Variants in NECTIN1 observed in about 807,000 individuals in gnomAD.
NECTIN1 encodes nectin-1.
In NECTIN1, 23 loss-of-function variants were observed where a neutral mutation model predicts 48.0. The observed-to-expected ratio is 0.48, with a 90% CI of 0.34 to 0.68. The LOEUF (loss-of-function observed/expected upper bound fraction) is 0.68. Ranked by LOEUF, NECTIN1 falls within the 30% of genes least tolerant of loss-of-function variation. NECTIN1 has a pLI of 0.01. For missense variants in NECTIN1, 591 were observed against 709.9 expected, an observed-to-expected ratio of 0.83 and a Z score of 1.90; for synonymous variants, 270 against 288.9, an observed-to-expected ratio of 0.93 and a Z score of 0.66.
At chr11:119,657,261 G>A (rs1591443509), downstream of NECTIN1, among the ~76,000 whole-genome samples, 1 of 152,196 alleles carries the variant, frequency 6.6e-6, no homozygotes, top group East Asian at 1.9e-4. Context: ...ACTGACACCT[G>A]GGGCGGCCTC....
chr11:119,728,359 G>A, intron 1 of NECTIN1, 116 bp downstream of exon 1: 1 of 1,026,016 alleles, frequency 9.7e-7, no homozygotes, highest in Non-Finnish European at 1.4e-6. Context: ...CCCAAGCCGT[G>A]ACCCAACTTT....
downstream of NECTIN1, chr11:119,659,002 C>G (rs920127388): frequency 6.6e-6 from 1 of 152,160 alleles, no homozygotes; most frequent in Non-Finnish European, 1.5e-5. Context: ...CAAGGCTGCC[C>G]GAAATACTCT....
chr11:119,714,672 A>G (rs1251900647), intron 1 of NECTIN1, among the ~76,000 whole-genome samples: 1 of 152,052 alleles, frequency 6.6e-6, no homozygotes, highest in Non-Finnish European at 1.5e-5. Context: ...CCCCATCGCC[A>G]ACTTAATTCC....
Position 119,639,667 on chromosome 11 carries a change from C to T in NECTIN1, c.1151+198G>A, listed in dbSNP as rs537704053. 299 of 649,854 alleles carry T rather than the reference C, an allele frequency of 4.6e-4. No individual in the cohort carries two copies. The African/African-American group carries it at 4.8e-3, about 10-fold the overall frequency. 40.3% of individuals were successfully genotyped at this position (649,854 alleles called of 1,614,324 possible). On this transcript the variant is annotated intron_variant, in intron 6 of 7. Coordinates refer to the NECTIN1 transcript ENST00000341398. ...TTTATGAAGCCCTTTTGAACTGGGG[C>T]GGTGCCTGGCACGTAGCAATCACCA... is the stretch of plus-strand genomic sequence containing the variant.
rs116728246 is a variant in NECTIN1 at position 119,698,246 on chromosome 11, G to A, written c.80-19481C>T. On this transcript the variant is annotated intron_variant, in intron 1 of 5. Transcript: ENST00000264025. ...AGGTCATACCCCACCAGAGTTGGGG[G>A]CCTGAGCCTCTAGACTTTCCCAGCT... Among the ~76,000 whole-genome samples the A allele has an allele frequency of 6.4e-3, 976 of 152,340 alleles. 12 individuals carry two copies. The highest frequency in any genetic ancestry group is 0.022 in the African/African-American group (914 of 41,576).
At position 119,728,622 on chromosome 11, in the gene NECTIN1, A is replaced by G. The variant is rs1159085965; in HGVS notation, c.-69T>C. On this transcript the variant is annotated 5_prime_UTR_variant, in exon 1 of 6. Coordinates refer to ENST00000264025, the MANE Select transcript of NECTIN1 (RefSeq NM_002855.5). ...CCTCGCGCAGCAGAAACCAGCCCGGAAGATGAGGGAAGATCGCTGGCGGTC... is the reference window on the plus strand; with the variant it reads ...CCTCGCGCAGCAGAAACCAGCCCGGGAGATGAGGGAAGATCGCTGGCGGTC... The G allele has an allele frequency of 1.2e-6, 1 of 838,294 alleles. No homozygotes were observed. Among genetic ancestry groups the G allele is most frequent in the African/African-American group, 1.8e-5 (1 of 55,278 alleles). 51.9% of individuals were successfully genotyped at this position (838,294 alleles called of 1,614,324 possible).
At chr11:119,711,827 C>T (rs1865653130) in intron 1 of NECTIN1, among the ~76,000 whole-genome samples, 1 of 152,212 alleles carries the variant, frequency 6.6e-6, no homozygotes, top group South Asian at 2.1e-4. Context: ...AAGGCCTAGA[C>T]CAGTGTTTTC....
At chr11:119,659,423 G>A (rs1565380570), downstream of NECTIN1, 1 of 152,286 alleles carries the variant, frequency 6.6e-6, no homozygotes, top group Admixed American at 6.5e-5. Context: ...CACATCCCAG[G>A]GGGGAACTTA....
At chr11:119,674,663 A>G in intron 5 of NECTIN1, 1 of 1,614,242 alleles carries the variant, frequency 6.2e-7, no homozygotes. Context: ...GGGAAAGCTC[A>G]GTTGCAGGGC....
At chr11:119,655,644 A>G (rs1221443510) in intron 5 of NECTIN1, among the ~76,000 whole-genome samples, 2 of 152,234 alleles carry the variant, frequency 1.3e-5, no homozygotes, top group African/African-American at 2.4e-5. Context: ...AGGAGTAGCC[A>G]TCTTCCAATA....
intron 1 of NECTIN1, among the ~76,000 whole-genome samples, chr11:119,694,616 C>T (rs1017099937): frequency 6.6e-6 from 1 of 152,178 alleles, no homozygotes; most frequent in East Asian, 1.9e-4. Flanking sequence ...GTGATGTGGG[C>T]TGAAGAGGGC....
At chr11:119,708,141 A>G (rs1396935679) in intron 1 of NECTIN1, among the ~76,000 whole-genome samples, 1 of 152,218 alleles carries the variant, frequency 6.6e-6, no homozygotes, top group Non-Finnish European at 1.5e-5. Context: ...GAGGCGCCAC[A>G]GAAGATGTGA....
Position 119,662,784 on chromosome 11 carries a change from T to C in NECTIN1, c.*1963A>G, listed in dbSNP as rs1010902485. 1.5e-5 allele frequency: 15 copies of C among 986,372 alleles called. No homozygotes were observed. In the African/African-American group the frequency reaches 2.6e-4, roughly 17 times the overall value. 61.1% of individuals were successfully genotyped at this position (986,372 alleles called of 1,614,324 possible). A position where few individuals can be genotyped will look rare whatever the true frequency, so the allele number is the denominator to read the frequency against. On this transcript the variant is annotated 3_prime_UTR_variant, in exon 6 of 6. Coordinates refer to ENST00000264025, the MANE Select transcript of NECTIN1 (RefSeq NM_002855.5). The surrounding 1 kb of genome is among the most constrained non-coding windows in gnomAD (Gnocchi z 5.3). ...AGCTCCTCCACCTCCCTCTGCCCTG[T>C]GGCTGGAAAGACTCCACAATTTTCT... is the stretch of plus-strand genomic sequence containing the variant.
In NECTIN1 at chr11:119,664,116, C is replaced by G; in HGVS notation, c.*631G>C. ...ATGAGGAAAAAAAATGTAAAACCAC[C>G]CTCAGCAGGAAAACACTGCCCAAGG... is the stretch of plus-strand genomic sequence containing the variant. On this transcript the variant is annotated 3_prime_UTR_variant, in exon 6 of 6. Transcript: ENST00000264025. The G allele has an allele frequency of 1.0e-6, 1 of 985,954 alleles. No individual in the cohort carries two copies. The highest frequency in any genetic ancestry group is 1.2e-6 in the Non-Finnish European group (1 of 830,086). 61.1% of individuals were successfully genotyped at this position (985,954 alleles called of 1,614,324 possible).
chr11:119,692,027 T>C (rs954181761), intron 1 of NECTIN1, among the ~76,000 whole-genome samples: 1 of 152,198 alleles, frequency 6.6e-6, no homozygotes, highest in Non-Finnish European at 1.5e-5. Context: ...GCCCTGAGCC[T>C]GGCCGCATGT....
chr11:119,664,700 G>GGGGGGGT lies in NECTIN1; in HGVS notation c.*46_*47insACCCCCC. Reference sequence around the variant, plus strand: ...GGGGGGTGGGCAGGGGGCGTGCGGGGAGGGGCTGGGGAGGAGCGGTCACAG... The same window carrying GGGGGGGT: ...GGGGGGTGGGCAGGGGGCGTGCGGGGGGGGGGTAGGGGCTGGGGAGGAGCGGTCACAG... On this transcript the variant is annotated 3_prime_UTR_variant, in exon 6 of 6. Transcript: ENST00000264025. The GGGGGGGT allele has an allele frequency of 2.1e-6, 3 of 1,451,822 alleles. No individual in the cohort carries two copies. The highest frequency in any genetic ancestry group is 2.4e-5 in the East Asian group (1 of 40,984). 89.9% of individuals were successfully genotyped at this position (1,451,822 alleles called of 1,614,324 possible). A position where few individuals can be genotyped will look rare whatever the true frequency, so the allele number is the denominator to read the frequency against.
At position 119,664,106 on chromosome 11, in the gene NECTIN1, G is replaced by GT; in HGVS notation, c.*640dup. The GT allele has an allele frequency of 1.0e-6, 1 of 985,892 alleles. No individual in the cohort carries two copies. The highest frequency in any genetic ancestry group is 1.2e-6 in the Non-Finnish European group (1 of 830,064). The allele number at this position is 985,892 out of a possible 1,614,324, so 61.1% of individuals were successfully genotyped here. The stretch of plus-strand genomic sequence containing the variant: ...CTGTGGGCCAATGAGGAAAAAAAAT[G>GT]TAAAACCACCCTCAGCAGGAAAACA... On this transcript the variant is annotated 3_prime_UTR_variant, in exon 6 of 6. Coordinates refer to ENST00000264025, the MANE Select transcript of NECTIN1 (RefSeq NM_002855.5).
Position 119,674,513 on chromosome 11 carries a change from G to A in NECTIN1, c.1003+646C>T, listed in dbSNP as rs1864914490. On this transcript the variant is annotated intron_variant, in intron 5 of 5. Transcript: ENST00000264025. The stretch of plus-strand genomic sequence containing the variant: ...TCATACTGTCCCCGTTTTACAGATG[G>A]TGGGGGGGGCCCTGTCCAGGGTCAC... 8.7e-6 allele frequency: 14 copies of A among 1,607,540 alleles called. 1 individual carries two copies. In the South Asian group the frequency reaches 1.5e-4, roughly 18 times the overall value.
intron 1 of NECTIN1, among the ~76,000 whole-genome samples, chr11:119,699,039 C>T (rs1294204992): frequency 2.0e-5 from 3 of 152,188 alleles, no homozygotes; most frequent in Non-Finnish European, 4.4e-5. Context: ...AAATCAGCAT[C>T]CTCACTCTGG....
Sources: allele counts gnomAD v4.1 joint callset (sites outside exome capture counted in the v4.1 genomes callset), GRCh38; gene constraint gnomAD v4.1.1; non-coding constraint Gnocchi (gnomAD v3.1); transcripts MANE v1.5; gene names NCBI Gene and HGNC (gene_info 2026-07-23, HGNC 2026-07-21).